NOVA1: variants seen among roughly 807,000 people sequenced by gnomAD.
NOVA1 encodes RNA-binding protein Nova-1.
In NOVA1, 7 loss-of-function variants were observed where a neutral mutation model predicts 38.0. The observed-to-expected ratio is 0.18, with a 90% CI of 0.10 to 0.35. The LOEUF (loss-of-function observed/expected upper bound fraction) is 0.35. Ranked by LOEUF, NOVA1 falls within the 10% of genes least tolerant of loss-of-function variation. NOVA1 has a pLI of 1.00. For missense variants in NOVA1, 460 were observed against 616.0 expected (o/e 0.75, Z 2.68); for synonymous variants, 270 against 232.5 (o/e 1.16, Z -1.47).
intron 4 of NOVA1, 195 bp downstream of exon 4, chr14:26,472,125 T>C (rs1034184380): frequency 1.8e-5 from 9 of 512,968 alleles, no homozygotes; most frequent in Non-Finnish European, 2.1e-5. Context: ...GAATATAGTA[T>C]TTGTTATCTA....
intron 2 of NOVA1, among the ~76,000 whole-genome samples, chr14:26,562,721 C>T (rs939236501): frequency 2.0e-5 from 3 of 152,060 alleles, no homozygotes; most frequent in African/African-American, 7.2e-5. Flanking sequence ...ATAATGTTAG[C>T]GCTGAATACT....
chr14:26,518,430 A>T (rs1888639282), intron 2 of NOVA1, among the ~76,000 whole-genome samples: 1 of 152,020 alleles, frequency 6.6e-6, no homozygotes, highest in Admixed American at 6.6e-5. Context: ...TTTTATCAAT[A>T]ACACCTTATC....
At chr14:26,578,278 T>C (rs1184579538) in intron 2 of NOVA1, among the ~76,000 whole-genome samples, 3 of 152,052 alleles carry the variant, frequency 2.0e-5, no homozygotes, top group East Asian at 1.9e-4. Flanking sequence ...ATAGCACAAG[T>C]ATGGGCAACA....
At chr14:26,478,935 T>A (rs1885210824) in intron 3 of NOVA1, 1 of 151,864 alleles carries the variant, frequency 6.6e-6, no homozygotes, top group African/African-American at 2.4e-5. Context: ...TAATTATCAA[T>A]TTCTATGTTT....
Position 26,597,955 on chromosome 14 carries a change from G to C in NOVA1, c.-519C>G, listed in dbSNP as rs1021601980. Among the ~76,000 whole-genome samples, 2 of 151,638 alleles carry C rather than the reference G, an allele frequency of 1.3e-5. No individual in the cohort carries two copies. The highest frequency in any genetic ancestry group is 2.4e-5 in the African/African-American group (1 of 41,290). ...GAGGGCAGGAGCCGGGAAGGAGCGCGGCGGTCCCCGCGCCGCGCTAGCGTT... is the reference window on the plus strand; with the variant it reads ...GAGGGCAGGAGCCGGGAAGGAGCGCCGCGGTCCCCGCGCCGCGCTAGCGTT... On this transcript the variant is annotated 5_prime_UTR_variant, in exon 1 of 5. Transcript: ENST00000539517.
At chr14:26,591,385 T>C (rs1013670170) in intron 2 of NOVA1, among the ~76,000 whole-genome samples, 19 of 151,838 alleles carry the variant, frequency 1.3e-4, no homozygotes, top group Admixed American at 7.9e-4. Context: ...TAATGATAAC[T>C]ATCCTATTAA....
chr14:26,531,535 T>C (rs771705169), intron 2 of NOVA1, among the ~76,000 whole-genome samples: 1 of 151,958 alleles, frequency 6.6e-6, no homozygotes, highest in Non-Finnish European at 1.5e-5. Flanking sequence ...TGAACCCAGG[T>C]GGTGGAGGTT....
At chr14:26,570,084 T>A (rs569096437) in intron 2 of NOVA1, among the ~76,000 whole-genome samples, 1 of 152,278 alleles carries the variant, frequency 6.6e-6, no homozygotes, top group East Asian at 1.9e-4. Context: ...CAGTGTCTCA[T>A]GCCTGTAATC....
chr14:26,453,391 AT>A (rs1882895458), intron 4 of NOVA1, among the ~76,000 whole-genome samples: 1 of 152,008 alleles, frequency 6.6e-6, no homozygotes, highest in Non-Finnish European at 1.5e-5. Context: ...CTACTTTTAA[AT>A]TAAAAGAATC....
intron 2 of NOVA1, among the ~76,000 whole-genome samples, chr14:26,520,594 G>A (rs868625898): frequency 1.6e-4 from 25 of 152,026 alleles, no homozygotes; most frequent in African/African-American, 4.1e-4. Flanking sequence ...TCGCATTGCC[G>A]GACCTAAGCT....
chr14:26,468,641 A>C (rs1884342768), intron 4 of NOVA1, among the ~76,000 whole-genome samples: 1 of 152,226 alleles, frequency 6.6e-6, no homozygotes, highest in Non-Finnish European at 1.5e-5. Flanking sequence ...AAAGTCAATG[A>C]GCTTACAAAT....
At chr14:26,455,818 T>C (rs1377016619) in intron 4 of NOVA1, among the ~76,000 whole-genome samples, 2 of 151,962 alleles carry the variant, frequency 1.3e-5, no homozygotes, top group Non-Finnish European at 2.9e-5. Flanking sequence ...AGAAAACTAC[T>C]AGAAGTTAAA....
rs995623901 is a variant in NOVA1, at chr14:26,444,712, A to G, written c.*3247T>C. On this transcript the variant is annotated 3_prime_UTR_variant, in exon 5 of 5. Coordinates refer to ENST00000539517, the MANE Select transcript of NOVA1 (RefSeq NM_002515.3). ...AAGTAGGATTGAAAGTCCTACAGGT[A>G]ATAGCAATAACTGGAAGTGCAGACG... 2.0e-5 allele frequency: 3 copies of G among 152,124 alleles called. No homozygotes were observed. Among genetic ancestry groups the G allele is most frequent in the African/African-American group, 7.2e-5 (3 of 41,434 alleles). 9.4% of individuals were successfully genotyped at this position (152,124 alleles called of 1,614,324 possible).
At chr14:26,539,870 GAA>G (rs5807369) in intron 2 of NOVA1, among the ~76,000 whole-genome samples, 2 of 148,034 alleles carry the variant, frequency 1.4e-5, no homozygotes, top group East Asian at 2.0e-4. Flanking sequence ...AGAGGCAAAG[GAA>G]AAAAAAAACA....
intron 2 of NOVA1, among the ~76,000 whole-genome samples, chr14:26,534,528 T>C (rs1436227532): frequency 1.3e-5 from 2 of 151,942 alleles, no homozygotes; most frequent in African/African-American, 4.8e-5. Flanking sequence ...CACATGGAGA[T>C]TTTATAACTG....
rs529449083 is a variant in NOVA1 at position 26,460,019 on chromosome 14, A to G, written c.520-11056T>C. The stretch of plus-strand genomic sequence containing the variant: ...TATTTTATATTTACTGATTAGGTGA[A>G]TTATATATTTCTTATTATTTTAATT... On this transcript the variant is annotated intron_variant, in intron 4 of 4. Transcript: ENST00000539517. Among the ~76,000 whole-genome samples, 13 of 152,054 alleles carry G rather than the reference A, an allele frequency of 8.5e-5. No individual in the cohort carries two copies. In the South Asian group the frequency reaches 2.5e-3, roughly 29 times the overall value.
At chr14:26,454,682 AT>A (rs1883008299) in intron 4 of NOVA1, among the ~76,000 whole-genome samples, 2 of 152,282 alleles carry the variant, frequency 1.3e-5, no homozygotes, top group South Asian at 4.1e-4. Context: ...ATATTTTTAC[AT>A]TCTTTTTATA....
At chr14:26,484,887 T>C (rs1885763820) in intron 2 of NOVA1, among the ~76,000 whole-genome samples, 1 of 152,094 alleles carries the variant, frequency 6.6e-6, no homozygotes, top group South Asian at 2.1e-4. Context: ...TAAAAATGTA[T>C]TGAGTCCCTA....
intron 4 of NOVA1, among the ~76,000 whole-genome samples, chr14:26,459,213 G>C (rs551399978): frequency 4.1e-4 from 62 of 152,022 alleles, no homozygotes; most frequent in African/African-American, 1.5e-3. Context: ...TGTTATACAC[G>C]TATCATATAT....
Sources: allele counts gnomAD v4.1 joint callset (sites outside exome capture counted in the v4.1 genomes callset), GRCh38; gene constraint gnomAD v4.1.1; transcripts MANE v1.5; gene names NCBI Gene and HGNC (gene_info 2026-07-23, HGNC 2026-07-21).